Variants in NELL1 observed in about 807,000 individuals in gnomAD.
NELL1 encodes protein kinase C-binding protein NELL1.
In NELL1, 76 loss-of-function variants were observed where a neutral mutation model predicts 107.4. That is an observed-to-expected ratio of 0.71 (90% CI 0.59 to 0.86). NELL1 has a LOEUF of 0.86. Ranked by LOEUF, NELL1 falls within the 40% of genes least tolerant of loss-of-function variation. The probability of loss-of-function intolerance (pLI) is 0.00; values close to 1 mark genes in which losing one functional copy is unlikely to be tolerated. For synonymous variants in NELL1, 353 were observed against 341.2 expected (o/e 1.03, Z -0.38); for missense variants, 1,024 against 1,005.5 (o/e 1.02, Z -0.25).
At chr11:21,378,280 T>C (rs1005257984) in intron 15 of NELL1, among the ~76,000 whole-genome samples, 1 of 139,758 alleles carries the variant, frequency 7.2e-6, no homozygotes, top group Non-Finnish European at 1.6e-5. Flanking sequence ...TATATATATA[T>C]ATATATTATA....
intron 15 of NELL1, among the ~76,000 whole-genome samples, chr11:21,509,108 A>G (rs537745301): frequency 6.6e-6 from 1 of 152,292 alleles, no homozygotes; most frequent in African/African-American, 2.4e-5. Context: ...AAGAAAATCA[A>G]TAAATATATA....
chr11:21,303,985 G>T (rs1849553382), intron 14 of NELL1, among the ~76,000 whole-genome samples: 2 of 151,976 alleles, frequency 1.3e-5, no homozygotes, highest in African/African-American at 4.8e-5. Flanking sequence ...TTTTATAAGT[G>T]TGCTAATCCT....
chr11:21,066,969 G>GTAAATAAA (rs10542680), intron 12 of NELL1, among the ~76,000 whole-genome samples: 28,007 of 148,372 alleles, frequency 0.19, 2,872 homozygotes, highest in African/African-American at 0.24. Flanking sequence ...AATTTAAAAA[G>GTAAATAAA]TAAATAAATA....
chr11:21,082,363 T>A (rs756614618), intron 12 of NELL1, among the ~76,000 whole-genome samples: 4 of 152,148 alleles, frequency 2.6e-5, no homozygotes, highest in Admixed American at 6.5e-5. Context: ...AATAGCATAT[T>A]TACATACATT....
intron 4 of NELL1, among the ~76,000 whole-genome samples, chr11:20,873,931 CTT>C (rs1393359340): frequency 6.6e-6 from 1 of 151,958 alleles, no homozygotes; most frequent in Non-Finnish European, 1.5e-5. Context: ...GCCCAGCTAA[CTT>C]TTTTATTTTT....
At chr11:21,184,912 A>C (rs1297497097) in intron 13 of NELL1, among the ~76,000 whole-genome samples, 1 of 151,914 alleles carries the variant, frequency 6.6e-6, no homozygotes, top group East Asian at 1.9e-4. Flanking sequence ...CAATGTAAAT[A>C]TGTGTTACAT....
At chr11:21,369,574 T>C (rs2133751267) in intron 14 of NELL1, among the ~76,000 whole-genome samples, 1 of 152,158 alleles carries the variant, frequency 6.6e-6, no homozygotes, top group African/African-American at 2.4e-5. Flanking sequence ...TTTGGAATAG[T>C]GTTCAGCTTT....
chr11:21,449,190 C>T (rs1478863702), intron 15 of NELL1, among the ~76,000 whole-genome samples: 3 of 152,134 alleles, frequency 2.0e-5, no homozygotes, highest in African/African-American at 7.2e-5. Context: ...GTATGAGTTC[C>T]ATTTCCTCCT....
chr11:21,562,438 A>G (rs1162595052), intron 17 of NELL1, among the ~76,000 whole-genome samples: 10 of 152,042 alleles, frequency 6.6e-5, no homozygotes, highest in Admixed American at 6.6e-4. Flanking sequence ...TGTGTTCTAC[A>G]TGTACTCATT....
At chr11:21,174,094 C>T (rs1337426929) in intron 13 of NELL1, among the ~76,000 whole-genome samples, 1 of 151,610 alleles carries the variant, frequency 6.6e-6, no homozygotes. Flanking sequence ...GTTATCTGGC[C>T]AAGAGGAACT....
intron 3 of NELL1, among the ~76,000 whole-genome samples, chr11:20,799,028 G>A (rs1235453430): frequency 1.9e-5 from 2 of 106,928 alleles, no homozygotes; most frequent in Middle Eastern, 4.7e-3. Context: ...ATAAAACAGA[G>A]GGATGAGGGA....
intron 17 of NELL1, among the ~76,000 whole-genome samples, chr11:21,567,955 T>G (rs528349281): frequency 9.2e-5 from 14 of 151,816 alleles, no homozygotes; most frequent in Non-Finnish European, 1.5e-4. Context: ...GTTTTAGTCT[T>G]CATTAAGCTC....
chr11:21,321,413 G>A (rs1409498455), intron 14 of NELL1, among the ~76,000 whole-genome samples: 2 of 152,174 alleles, frequency 1.3e-5, no homozygotes, highest in Non-Finnish European at 1.5e-5. Context: ...GGGGGGCTGC[G>A]CGGAGTGGTG....
chr11:20,942,106 A>G (rs757259884), intron 10 of NELL1, among the ~76,000 whole-genome samples: 1 of 152,266 alleles, frequency 6.6e-6, no homozygotes, highest in Non-Finnish European at 1.5e-5. Flanking sequence ...TGAGGCATTT[A>G]GAGACTTTGC....
intron 15 of NELL1, among the ~76,000 whole-genome samples, chr11:21,396,343 C>T (rs11026065): frequency 0.098 from 14,841 of 151,394 alleles, 807 homozygotes; most frequent in Admixed American, 0.15. Flanking sequence ...TCAGGAAACT[C>T]GTGGCAAAAA....
At chr11:21,079,346 A>C (rs964681720) in intron 12 of NELL1, among the ~76,000 whole-genome samples, 2 of 152,092 alleles carry the variant, frequency 1.3e-5, no homozygotes, top group Non-Finnish European at 2.9e-5. Flanking sequence ...AACAAGCGAC[A>C]CAGAAAATAA....
chr11:21,358,821 G>C (rs150952776), intron 14 of NELL1, among the ~76,000 whole-genome samples: 1,752 of 152,036 alleles, frequency 0.012, 16 homozygotes, highest in Middle Eastern at 0.058. Flanking sequence ...CAGTGCTACT[G>C]ATTTGTGTAC....
Position 21,573,213 on chromosome 11 carries a change from C to T in NELL1, c.2186C>T (p.Thr729Ile), listed in dbSNP as rs1393859852. 24 of 1,611,992 alleles carry T rather than the reference C, an allele frequency of 1.5e-5. No homozygotes were observed. The highest frequency in any genetic ancestry group is 2.0e-5 in the Non-Finnish European group (23 of 1,178,800). ...LEGEVDCWPL[T>I]CPNLSCEYTA... ...GGAGAGGTAGATTGCTGGCCACTCA[C>T]TTGCCCCAACTTGAGCTGTGAGTAT... Residue 729 changes from threonine (T) to isoleucine (I), a missense_variant, in exon 19 of 20, where the codon ACT (threonine) becomes ATT (isoleucine). By Grantham distance (89) the Thr-to-Ile change is moderately conservative. Coordinates refer to ENST00000357134, the MANE Select transcript of NELL1 (RefSeq NM_006157.5).
intron 14 of NELL1, among the ~76,000 whole-genome samples, chr11:21,265,787 G>A (rs1206529944): frequency 2.6e-5 from 4 of 151,786 alleles, no homozygotes; most frequent in Admixed American, 6.6e-5. Flanking sequence ...CCTTTTTAAG[G>A]TAGTATCTTT....
Sources: allele counts gnomAD v4.1 joint callset (sites outside exome capture counted in the v4.1 genomes callset), GRCh38; gene constraint gnomAD v4.1.1; transcripts MANE v1.5; gene names NCBI Gene and HGNC (gene_info 2026-07-23, HGNC 2026-07-21).